The following CHST7 variants were observed in gnomAD, a reference collection of about 807,000 sequenced individuals.
CHST7 encodes the protein carbohydrate sulfotransferase 7.
A neutral mutation model predicts 9.0 loss-of-function variants in CHST7; 5 were observed. The observed-to-expected ratio is 0.56, with a 90% CI of 0.29 to 1.17. The LOEUF is 1.17. CHST7 is among the 50% of genes most tolerant of loss of function. The pLI is 0.08. For missense variants in CHST7, 377 were observed against 485.1 expected (o/e 0.78, Z 2.09); for synonymous variants, 244 against 237.1 (o/e 1.03, Z -0.27).
chrX:46,594,955 G>T (rs1306587730), intron 1 of CHST7, among the ~76,000 whole-genome samples: 1 of 111,163 alleles, frequency 9.0e-6, no homozygotes, highest in Non-Finnish European at 1.9e-5. Flanking sequence ...ATTTTCTGTT[G>T]TTCAGATTTG....
At chrX:46,581,689 G>A (rs1302655738) in intron 1 of CHST7, among the ~76,000 whole-genome samples, 2 of 110,193 alleles carry the variant, frequency 1.8e-5, no homozygotes, top group African/African-American at 6.6e-5. Context: ...TACACCATCT[G>A]GGTTCAAGCA....
chrX:46,574,047 A>T lies in CHST7; in HGVS notation c.116A>T (p.Asp39Val). 1 of 1,163,742 alleles carries T rather than the reference A, an allele frequency of 8.6e-7. No individual in the cohort carries two copies. The change falls in exon 1 of 2, where the codon GAC becomes GTC. Residue 39 changes from aspartate to valine, a missense_variant. By Grantham distance (152) the Asp-to-Val change is radical. Coordinates refer to ENST00000276055, the MANE Select transcript of CHST7 (RefSeq NM_019886.4). ...GTATTGGACGGCGGCCGCGACGGGG[A>T]CAAGGGCGCCGAGCACTGCCCCGGC... ...PSVLDGGRDGDKGAEHCPGLQ... is the reference protein window; with the variant it reads ...PSVLDGGRDGVKGAEHCPGLQ...
At position 46,597,997 on chromosome X, in the gene CHST7, G is replaced by GGAA. The variant is rs1487248864; in HGVS notation, c.*272_*274dup. On this transcript the variant is annotated 3_prime_UTR_variant, in exon 2 of 2. Coordinates refer to ENST00000276055, the MANE Select transcript of CHST7 (RefSeq NM_019886.4). ...TGTGGATATTTATGGCTGTAAAATA[G>GGAA]GAAGAGCTTTAGTTCCCAGGCTGAA... is the stretch of plus-strand genomic sequence containing the variant. 8.9e-6 allele frequency: 1 copy of GGAA among 112,701 alleles called. No individual in the cohort carries two copies. Among genetic ancestry groups the GGAA allele is most frequent in the African/African-American group, 3.2e-5 (1 of 30,921 alleles). The allele number at this position is 112,701 out of a possible 1,213,427, so 9.3% of individuals were successfully genotyped here.
chrX:46,597,524 T>G (rs912218411), intron 1 of CHST7, among the ~76,000 whole-genome samples: 4 of 112,205 alleles, frequency 3.6e-5, no homozygotes, highest in African/African-American at 6.5e-5. Context: ...AGCGCAGCCA[T>G]GCTAACAGAG....
chrX:46,581,096 A>G (rs1942522299), intron 1 of CHST7, among the ~76,000 whole-genome samples: 1 of 108,802 alleles, frequency 9.2e-6, no homozygotes, highest in Non-Finnish European at 1.9e-5. Context: ...TTAGCTGGGC[A>G]TGGTGGCGGG....
chrX:46,583,466 G>A (rs1602108992), intron 1 of CHST7, among the ~76,000 whole-genome samples: 2 of 111,947 alleles, frequency 1.8e-5, no homozygotes, highest in African/African-American at 3.2e-5. Flanking sequence ...TCCCCGGCCC[G>A]CTTGGCACCC....
At chrX:46,586,443 A>G (rs1942549990) in intron 1 of CHST7, among the ~76,000 whole-genome samples, 1 of 111,949 alleles carries the variant, frequency 8.9e-6, no homozygotes, top group Non-Finnish European at 1.9e-5. Context: ...CATTTGACTG[A>G]TAACCCCTAT....
In CHST7 at chrX:46,576,803, T is replaced by A. The variant is rs149131624; in HGVS notation, c.*31+1380T>A. Among the ~76,000 whole-genome samples, 886 of 112,637 alleles carry A rather than the reference T, an allele frequency of 7.9e-3. 21 individuals are homozygous for A. The South Asian group carries it at 0.12, about 15-fold the overall frequency. On this transcript the variant is annotated intron_variant, in intron 1 of 1. Coordinates refer to ENST00000276055, the MANE Select transcript of CHST7 (RefSeq NM_019886.4). Reference sequence around the variant, plus strand: ...TTAATGAAGAGGGATTTTGTTGTTGTTACAGAACCAGGGTTTCAGAGTGAT... The same window carrying A: ...TTAATGAAGAGGGATTTTGTTGTTGATACAGAACCAGGGTTTCAGAGTGAT...
chrX:46,586,704 C>T (rs930625997), intron 1 of CHST7, among the ~76,000 whole-genome samples: 2 of 111,263 alleles, frequency 1.8e-5, no homozygotes, highest in African/African-American at 6.5e-5. Flanking sequence ...AAACAAAAGT[C>T]AACTAGGCAA....
At position 46,575,430 on chromosome X, in the gene CHST7, T is replaced by G; in HGVS notation, c.*31+7T>G. On this transcript the variant is annotated splice_region_variant and intron_variant, in intron 1 of 1. Transcript: ENST00000276055. ...GTCCCCGGCACGGATCCGGGTAAGG[T>G]GGCCCGGGGCAAGGCAGGGACCGGG... is the stretch of plus-strand genomic sequence containing the variant. 1 of 1,006,979 alleles carries G rather than the reference T, an allele frequency of 9.9e-7. No individual in the cohort carries two copies. 83.0% of individuals were successfully genotyped at this position (1,006,979 alleles called of 1,213,427 possible). A position where few individuals can be genotyped will look rare whatever the true frequency, so the allele number is the denominator to read the frequency against.
At chrX:46,577,801 A>T (rs186659320) in intron 1 of CHST7, among the ~76,000 whole-genome samples, 13 of 111,457 alleles carry the variant, frequency 1.2e-4, no homozygotes, top group African/African-American at 4.3e-4. Context: ...TGGAAAACAC[A>T]CTCAGCTTTA....
chrX:46,577,683 T>A (rs1348441662), intron 1 of CHST7, among the ~76,000 whole-genome samples: 1 of 111,392 alleles, frequency 9.0e-6, no homozygotes, highest in African/African-American at 3.3e-5. Flanking sequence ...TGGAACAGTG[T>A]TTGGTGTTAG....
Position 46,574,272 on chromosome X carries a change from C to T in CHST7, c.341C>T (p.Ser114Leu), listed in dbSNP as rs1942483959. ...GTGCATGCCACCTGGCGCACCGGCTCGTCCTTCCTGGGCGAACTCTTTAAC... is the reference window on the plus strand; with the variant it reads ...GTGCATGCCACCTGGCGCACCGGCTTGTCCTTCCTGGGCGAACTCTTTAAC... ...IYVHATWRTG[S>L]SFLGELFNQH... The change falls in exon 1 of 2, where the codon TCG becomes TTG. Residue 114 changes from serine to leucine, a missense_variant. Around this residue, in one of 3 missense-constraint regions of CHST7, gnomAD observed 239 missense variants for 325.7 expected, o/e 0.73. Transcript: ENST00000276055. The T allele has an allele frequency of 4.1e-6, 5 of 1,211,510 alleles. No individual in the cohort carries two copies. The highest frequency in any genetic ancestry group is 5.6e-6 in the Non-Finnish European group (5 of 895,214).
rs1294662515 is a variant in CHST7 at position 46,574,153 on chromosome X, C to G, written c.222C>G (p.Ala74=). The stretch of plus-strand genomic sequence containing the variant: ...AGCAGGGAGCGGAGGCGCGGGCCGC[C>G]GAGGAAGGGGGCGCGAACCAGTCTC... The part of the protein sequence containing the change: ...EREQGAEARA[A]EEGGANQSPR... The change falls in exon 1 of 2, where the codon GCC becomes GCG. Residue 74 remains alanine (A), a synonymous_variant. Transcript: ENST00000276055. 5.1e-6 allele frequency: 6 copies of G among 1,170,646 alleles called. No homozygotes were observed. Among genetic ancestry groups the G allele is most frequent in the Non-Finnish European group, 6.9e-6 (6 of 874,351 alleles).
intron 1 of CHST7, among the ~76,000 whole-genome samples, chrX:46,580,941 A>G (rs369594657): frequency 7.6e-4 from 85 of 111,796 alleles, no homozygotes; most frequent in African/African-American, 2.6e-3. Flanking sequence ...AGTCAAATTA[A>G]AAGGATTTCT....
Position 46,574,190 on chromosome X carries a change from A to G in CHST7, c.259A>G (p.Ser87Gly), listed in dbSNP as rs1260085226. ...GGANQSPRFPSNLSGAVGEAV... is the reference protein window; with the variant it reads ...GGANQSPRFPGNLSGAVGEAV... Reference sequence around the variant, plus strand: ...CGCGAACCAGTCTCCTCGGTTCCCAAGCAACCTCAGCGGCGCTGTCGGGGA... The same window carrying G: ...CGCGAACCAGTCTCCTCGGTTCCCAGGCAACCTCAGCGGCGCTGTCGGGGA... The change falls in exon 1 of 2, where the codon AGC becomes GGC. Residue 87 changes from serine (S) to glycine (G), a missense_variant. Transcript: ENST00000276055. The G allele has an allele frequency of 1.7e-6, 2 of 1,196,715 alleles. No homozygotes were observed. Among genetic ancestry groups the G allele is most frequent in the African/African-American group, 1.8e-5 (1 of 57,120 alleles).
In CHST7 at chrX:46,582,701, G is replaced by A. The variant is rs187279267; in HGVS notation, c.*31+7278G>A. Among the ~76,000 whole-genome samples, 3 of 112,163 alleles carry A rather than the reference G, an allele frequency of 2.7e-5. No individual in the cohort carries two copies. In the East Asian group the frequency reaches 8.4e-4, roughly 31 times the overall value. ...AAAATCACACTTCGACAGGACATCA[G>A]GTTTTAGCAAGGTTCTTGTTCAGGC... On this transcript the variant is annotated intron_variant, in intron 1 of 1. Transcript: ENST00000276055.
chrX:46,596,340 A>G (rs1942593788), intron 1 of CHST7, among the ~76,000 whole-genome samples: 1 of 110,747 alleles, frequency 9.0e-6, no homozygotes. Context: ...TCCTTGTGTT[A>G]AGAGCACATC....
chrX:46,597,703 C>T (rs913549488), intron 1 of CHST7, 57 bp from the exon 2 acceptor site: 3 of 112,866 alleles, frequency 2.7e-5, no homozygotes, highest in Non-Finnish European at 5.6e-5. Flanking sequence ...AACAGACTTT[C>T]TTTCTGGGGA....
Sources: allele counts gnomAD v4.1 joint callset (sites outside exome capture counted in the v4.1 genomes callset), GRCh38; gene constraint gnomAD v4.1.1; regional missense constraint gnomAD v4.1.1; transcripts MANE v1.5; gene names NCBI Gene and HGNC (gene_info 2026-07-23, HGNC 2026-07-21).